GAREM1: variants seen among roughly 807,000 people sequenced by gnomAD.
The protein encoded by GAREM1 is GRB2-associated and regulator of MAPK protein 1.
Under a neutral mutation model 71.3 loss-of-function variants are expected in GAREM1, and 26 were observed. The observed-to-expected ratio is 0.36, with a 90% CI of 0.27 to 0.51. The LOEUF is 0.51. GAREM1 is among the 20% of genes least tolerant of loss of function. The pLI is 0.95. For missense variants in GAREM1, 1,026 were observed against 1,103.1 expected, an observed-to-expected ratio of 0.93 and a Z score of 0.99; for synonymous variants, 440 against 433.2, an observed-to-expected ratio of 1.02 and a Z score of -0.20.
In GAREM1 at chr18:32,267,577, A is replaced by G; in HGVS notation, c.*294T>C. 3.8e-6 allele frequency: 1 copy of G among 264,866 alleles called. No homozygotes were observed. Among genetic ancestry groups the G allele is most frequent in the African/African-American group, 2.2e-5 (1 of 45,304 alleles). The allele number at this position is 264,866 out of a possible 1,614,324, so 16.4% of individuals were successfully genotyped here. A position where few individuals can be genotyped will look rare whatever the true frequency, so the allele number is the denominator to read the frequency against. ...AATAAATATCATACCTTCTCACATA[A>G]ACCTACTTGGGTAAGAATGATTTCT... On this transcript the variant is annotated 3_prime_UTR_variant, in exon 6 of 6. Transcript: ENST00000269209.
chr18:32,451,798 T>C (rs1471280719), intron 1 of GAREM1, among the ~76,000 whole-genome samples: 2 of 152,130 alleles, frequency 1.3e-5, no homozygotes, highest in Non-Finnish European at 2.9e-5. Context: ...ACTGTTTGTA[T>C]AACAAACATT....
intron 4 of GAREM1, among the ~76,000 whole-genome samples, chr18:32,275,304 T>G (rs1266668005): frequency 2.0e-5 from 3 of 152,196 alleles, no homozygotes; most frequent in Non-Finnish European, 4.4e-5. Flanking sequence ...TTTCTATTTA[T>G]TTCCAATGTA....
chr18:32,428,340 G>A (rs969316907), intron 1 of GAREM1, among the ~76,000 whole-genome samples: 5 of 152,152 alleles, frequency 3.3e-5, no homozygotes, highest in African/African-American at 1.2e-4. Context: ...CCTTGCCCCA[G>A]TCTCACATTG....
intron 2 of GAREM1, among the ~76,000 whole-genome samples, chr18:32,329,703 T>TAAAAAAAAAAAAAAAAAAAA: frequency 1.3e-5 from 1 of 78,186 alleles, no homozygotes; most frequent in Non-Finnish European, 2.4e-5. Flanking sequence ...GAGACTCCAT[T>TAAAAAAAAAAAAAAAAAAAA]AAAAAAAAAA....
At chr18:32,461,235 T>C (rs560822717) in intron 1 of GAREM1, among the ~76,000 whole-genome samples, 2 of 152,362 alleles carry the variant, frequency 1.3e-5, no homozygotes, top group East Asian at 3.9e-4. Flanking sequence ...ATTTATTAAA[T>C]GCTTATTGGG....
At chr18:32,353,680 C>T (rs1242160072) in intron 2 of GAREM1, among the ~76,000 whole-genome samples, 1 of 152,150 alleles carries the variant, frequency 6.6e-6, no homozygotes, top group Non-Finnish European at 1.5e-5. Flanking sequence ...AATGGCTAAT[C>T]ATTTTGACTT....
chr18:32,441,539 T>A (rs532648456), intron 1 of GAREM1, among the ~76,000 whole-genome samples: 1 of 152,292 alleles, frequency 6.6e-6, no homozygotes, highest in African/African-American at 2.4e-5. Flanking sequence ...TTCAAGTGCA[T>A]GACTAAATCT....
intron 2 of GAREM1, among the ~76,000 whole-genome samples, chr18:32,344,519 C>T (rs931220662): frequency 6.6e-6 from 1 of 151,760 alleles, no homozygotes; most frequent in Non-Finnish European, 1.5e-5. Context: ...CCTAATCACG[C>T]TAAATGGGAA....
intron 3 of GAREM1, among the ~76,000 whole-genome samples, chr18:32,289,278 GC>G (rs1377259613): frequency 1.3e-5 from 2 of 152,084 alleles, no homozygotes; most frequent in Non-Finnish European, 2.9e-5. Flanking sequence ...AATATGCACT[GC>G]CCACTGTGTT....
intron 4 of GAREM1, among the ~76,000 whole-genome samples, chr18:32,281,252 G>T (rs1377706904): frequency 6.6e-6 from 1 of 152,042 alleles, no homozygotes; most frequent in Non-Finnish European, 1.5e-5. Context: ...CACATAGTGA[G>T]TGTTCTGCCT....
chr18:32,451,380 A>C (rs2144293134), intron 1 of GAREM1, among the ~76,000 whole-genome samples: 1 of 152,212 alleles, frequency 6.6e-6, no homozygotes, highest in Middle Eastern at 3.4e-3. Context: ...TGCTGTTTTA[A>C]ACCAACTAAC....
intron 2 of GAREM1, among the ~76,000 whole-genome samples, chr18:32,326,648 T>C (rs2047477331): frequency 6.6e-6 from 1 of 152,222 alleles, no homozygotes; most frequent in Admixed American, 6.5e-5. Context: ...GGTTTTTCCC[T>C]TCCACCCCCT....
intron 3 of GAREM1, among the ~76,000 whole-genome samples, chr18:32,301,412 AAAGAGCCAATCCTCT>A (rs2047200689): frequency 2.6e-5 from 4 of 152,234 alleles, no homozygotes; most frequent in Admixed American, 2.0e-4. Context: ...TGTGAACATG[AAAGAGCCAATCCTCT>A]AAGATGGATC....
chr18:32,453,237 G>A (rs1337615703), intron 1 of GAREM1, among the ~76,000 whole-genome samples: 1 of 152,048 alleles, frequency 6.6e-6, no homozygotes, highest in African/African-American at 2.4e-5. Context: ...CAGTACAGGG[G>A]AAACTGCACC....
chr18:32,373,552 A>T (rs2144630028), intron 2 of GAREM1, among the ~76,000 whole-genome samples: 1 of 152,328 alleles, frequency 6.6e-6, no homozygotes, highest in Non-Finnish European at 1.5e-5. Context: ...ATAGTGAAAC[A>T]AATTTTCCAG....
intron 4 of GAREM1, 89 bp from the exon 5 acceptor site, chr18:32,270,472 C>T (rs2041444250): frequency 2.7e-6 from 3 of 1,126,646 alleles, no homozygotes; most frequent in Admixed American, 5.4e-5. Context: ...TCAAGTCACA[C>T]TCTTAAACCG....
intron 2 of GAREM1, among the ~76,000 whole-genome samples, chr18:32,356,619 G>GATGTCAGATGTCAGA (rs1340623850): frequency 4.6e-5 from 7 of 152,088 alleles, no homozygotes; most frequent in African/African-American, 1.7e-4. Context: ...GTCAGATACT[G>GATGTCAGATGTCAGA]TACAAGTGTC....
At chr18:32,275,358 G>T (rs185562730) in intron 4 of GAREM1, among the ~76,000 whole-genome samples, 463 of 152,296 alleles carry the variant, frequency 3.0e-3, no homozygotes, top group African/African-American at 0.011. Flanking sequence ...GGAGAGAGGG[G>T]CCCCTGTATT....
intron 2 of GAREM1, among the ~76,000 whole-genome samples, chr18:32,356,267 A>G (rs1285468742): frequency 6.6e-6 from 1 of 152,204 alleles, no homozygotes; most frequent in African/African-American, 2.4e-5. Flanking sequence ...GAATATGTCT[A>G]ATGACCAGTC....
Sources: allele counts gnomAD v4.1 joint callset (sites outside exome capture counted in the v4.1 genomes callset), GRCh38; gene constraint gnomAD v4.1.1; transcripts MANE v1.5; gene names NCBI Gene and HGNC (gene_info 2026-07-23, HGNC 2026-07-21).